Variants in LXN observed in about 807,000 individuals in gnomAD.
The protein encoded by LXN is MUM.
A neutral mutation model predicts 29.8 loss-of-function variants in LXN; 28 were observed. That is an observed-to-expected ratio of 0.94 (90% confidence interval 0.70 to 1.29). LXN has a LOEUF of 1.29. Among genes scored for constraint, LXN ranks in the 50% most tolerant of loss-of-function variants. The pLI, the probability that LXN is intolerant of heterozygous loss-of-function variation, is 0.00. For synonymous variants in LXN, 77 were observed against 89.6 expected (o/e 0.86, Z 0.80); for missense variants, 227 against 261.7 (o/e 0.87, Z 0.92).
At chr3:158,667,353 G>T (rs1723810655) in intron 4 of LXN, among the ~76,000 whole-genome samples, 1 of 152,196 alleles carries the variant, frequency 6.6e-6, no homozygotes, top group South Asian at 2.1e-4. Flanking sequence ...CTACTTAAGA[G>T]AATTAGCAAG....
At chr3:158,667,095 GTGT>G (rs1307055673) in intron 4 of LXN, 21 bp from the exon 5 acceptor site, 2 of 1,561,120 alleles carry the variant, frequency 1.3e-6, no homozygotes, top group African/African-American at 1.4e-5. Context: ...AAATAAAAAC[GTGT>G]TGTTTAAAAC....
intron 4 of LXN, among the ~76,000 whole-genome samples, chr3:158,668,271 T>G (rs1315844233): frequency 4.6e-5 from 7 of 152,220 alleles, no homozygotes; most frequent in Non-Finnish European, 8.8e-5. Context: ...TCTAGATTAC[T>G]TATAATACCA....
At position 158,666,597 on chromosome 3, in the gene LXN, G is replaced by C. The variant is rs775795446; in HGVS notation, c.*49C>G. 2.7e-6 allele frequency: 4 copies of C among 1,503,630 alleles called. No individual in the cohort carries two copies. In the Admixed American group the frequency reaches 6.8e-5, roughly 26 times the overall value. 93.1% of individuals were successfully genotyped at this position (1,503,630 alleles called of 1,614,324 possible). ...CATAAGCTAGATGCCAGTGAAATTG[G>C]CATACACATCAATAGACATGTTTAC... is the stretch of plus-strand genomic sequence containing the variant. On this transcript the variant is annotated 3_prime_UTR_variant, in exon 6 of 6. Transcript: ENST00000264265.
Position 158,672,549 on chromosome 3 carries a change from T to A in LXN, c.-71A>T. On this transcript the variant is annotated 5_prime_UTR_variant, in exon 1 of 6. Coordinates refer to ENST00000264265, the MANE Select transcript of LXN (RefSeq NM_020169.4). Reference sequence around the variant, plus strand: ...GGGACCAGTAGCAGAGCGCCGCCCGTCCTGCTTGCTGCTGGGTCCGGTTGC... The same window carrying A: ...GGGACCAGTAGCAGAGCGCCGCCCGACCTGCTTGCTGCTGGGTCCGGTTGC... 6.3e-7 allele frequency: 1 copy of A among 1,584,068 alleles called. No homozygotes were observed. The highest frequency in any genetic ancestry group is 8.6e-7 in the Non-Finnish European group (1 of 1,160,072).
rs763056952 is a variant in LXN, at chr3:158,667,080, A to G, written c.508-6T>C. The G allele has an allele frequency of 3.2e-6, 5 of 1,576,178 alleles. No individual in the cohort carries two copies. The Admixed American group carries it at 9.8e-5, about 31-fold the overall frequency. On this transcript the variant is annotated splice_region_variant and splice_polypyrimidine_tract_variant and intron_variant, in intron 4 of 5. Transcript: ENST00000264265. ...ATAAAGTCATCATTTCTTTGCTATG[A>G]CAAAAAATAAAAACGTGTTGTTTAA...
In LXN at chr3:158,672,332, A is replaced by AC. The variant is rs1287194240; in HGVS notation, c.129+17dup. On this transcript the variant is annotated intron_variant, in intron 1 of 5. Coordinates refer to ENST00000264265, the MANE Select transcript of LXN (RefSeq NM_020169.4). ...AATCCTGAAGCCTCTGCTGTCCACC[A>AC]CCCCCTGCTAAACTCACCTCCATGC... is the stretch of plus-strand genomic sequence containing the variant. 6.2e-7 allele frequency: 1 copy of AC among 1,612,474 alleles called. No individual in the cohort carries two copies.
chr3:158,666,651 C>T lies in LXN; in HGVS notation c.664G>A (p.Glu222Lys). 1 of 1,612,770 alleles carries T rather than the reference C, an allele frequency of 6.2e-7. No individual in the cohort carries two copies. Among genetic ancestry groups the T allele is most frequent in the Non-Finnish European group, 8.5e-7 (1 of 1,178,982 alleles). ...TCCAGTGTTAGGGTTTTTGTTTATTCCAGTTGTACTTCCTTTGGCAGACGG... is the reference window on the plus strand; with the variant it reads ...TCCAGTGTTAGGGTTTTTGTTTATTTCAGTTGTACTTCCTTTGGCAGACGG... ...NSRLPKEVQLE is the reference protein window; with the variant it reads ...NSRLPKEVQLK The change falls in exon 6 of 6, where the codon GAA (glutamate) becomes AAA (lysine). Residue 222 changes from glutamate to lysine, a missense_variant. Physicochemically the swap from Glu to Lys is moderately conservative, Grantham distance 56. Transcript: ENST00000264265.
At chr3:158,670,605 T>G (rs6785658) in intron 2 of LXN, among the ~76,000 whole-genome samples, 63,209 of 152,094 alleles carry the variant, frequency 0.42, 14,285 homozygotes, top group African/African-American at 0.6. Flanking sequence ...CAGAGGCAGG[T>G]ATTTCACAAC....
Position 158,669,606 on chromosome 3 carries a change from A to G in LXN, c.197T>C (p.Val66Ala). The G allele has an allele frequency of 6.2e-7, 1 of 1,613,152 alleles. No individual in the cohort carries two copies. Among genetic ancestry groups the G allele is most frequent in the Non-Finnish European group, 8.5e-7 (1 of 1,179,756 alleles). The change falls in exon 3 of 6, where the codon GTT becomes GCT. Residue 66 changes from valine to alanine, a missense_variant. By Grantham distance (64) the Val-to-Ala change is moderately conservative (BLOSUM62 0). Transcript: ENST00000264265. ...TACTTCAGCTGTGCAGTTCACCTTA[A>G]CTTGCTGTTTGAAATTTAGCAAAAT... ...FAVEEIIQKQ[V>A]KVNCTAEVLY...
intron 2 of LXN, 33 bp downstream of exon 2, chr3:158,670,924 C>T: frequency 7.6e-7 from 1 of 1,318,556 alleles, no homozygotes; most frequent in Non-Finnish European, 1.0e-6. Flanking sequence ...TAGAGTGAGA[C>T]CCTGTCTCAA....
At position 158,671,000 on chromosome 3, in the gene LXN, T is replaced by C. The variant is rs1483536165; in HGVS notation, c.149A>G (p.His50Arg). 2 of 1,537,958 alleles carry C rather than the reference T, an allele frequency of 1.3e-6. No homozygotes were observed. The highest frequency in any genetic ancestry group is 1.7e-6 in the Non-Finnish European group (2 of 1,146,676). The change falls in exon 2 of 6, where the codon CAT becomes CGT. Residue 50 changes from histidine (H) to arginine (R), a missense_variant. Transcript: ENST00000264265. ...ASMEDIPGRG[H>R]KYHLKFAVEE... ...AACAGCAAATTTAAGGTGATACTTATGTCCTCTTCCTGGAATATCCTAAAA... is the reference window on the plus strand; with the variant it reads ...AACAGCAAATTTAAGGTGATACTTACGTCCTCTTCCTGGAATATCCTAAAA...
chr3:158,669,158 A>T, intron 3 of LXN, 26 bp from the exon 4 acceptor site: 3 of 1,574,698 alleles, frequency 1.9e-6, no homozygotes, highest in Non-Finnish European at 8.7e-7. Flanking sequence ...TTTATATGAT[A>T]ATCATATATA....
chr3:158,667,146 A>G, intron 4 of LXN, 72 bp from the exon 5 acceptor site: 1 of 1,396,554 alleles, frequency 7.2e-7, no homozygotes, highest in Non-Finnish European at 9.6e-7. Context: ...AATTTTGAAA[A>G]TCATCTTTGA....
chr3:158,666,522 A>G lies in LXN; in HGVS notation c.*124T>C. The G allele has an allele frequency of 8.7e-7, 1 of 1,152,090 alleles. No homozygotes were observed. Among genetic ancestry groups the G allele is most frequent in the Non-Finnish European group, 1.3e-6 (1 of 772,028 alleles). 71.4% of individuals were successfully genotyped at this position (1,152,090 alleles called of 1,614,324 possible). A position where few individuals can be genotyped will look rare whatever the true frequency, so the allele number is the denominator to read the frequency against. The stretch of plus-strand genomic sequence containing the variant: ...TATTATGGACTCTATAAAGTTCTAT[A>G]CTGTAATCAAGACATTTATATAAAG... On this transcript the variant is annotated 3_prime_UTR_variant, in exon 6 of 6. Transcript: ENST00000264265.
chr3:158,669,150 T>C lies in LXN; in HGVS notation c.371-18A>G. 1.2e-6 allele frequency: 2 copies of C among 1,604,472 alleles called. No homozygotes were observed. Among genetic ancestry groups the C allele is most frequent in the Non-Finnish European group, 1.7e-6 (2 of 1,172,818 alleles). ...AAAATTGTCTGGTAGGAGACACATT[T>C]ATATGATAATCATATATATAGTATT... On this transcript the variant is annotated intron_variant, in intron 3 of 5. Coordinates refer to ENST00000264265, the MANE Select transcript of LXN (RefSeq NM_020169.4).
rs746443971 is a variant in LXN at position 158,670,977 on chromosome 3, C to T, written c.172G>A (p.Val58Ile). The T allele has an allele frequency of 3.9e-6, 6 of 1,539,796 alleles. No individual in the cohort carries two copies. The South Asian group carries it at 7.4e-5, about 19-fold the overall frequency. ...CTTACTTTTTGTATAATTTCTTCAA[C>T]AGCAAATTTAAGGTGATACTTATGT... ...RGHKYHLKFA[V>I]EEIIQKQVKV... Residue 58 changes from valine (V) to isoleucine (I), a missense_variant, in exon 2 of 6, where the codon GTT becomes ATT. Physicochemically the swap from Val to Ile is conservative, Grantham distance 29 (BLOSUM62 3). Transcript: ENST00000264265.
At chr3:158,668,199 C>T (rs530763141) in intron 4 of LXN, among the ~76,000 whole-genome samples, 14 of 152,282 alleles carry the variant, frequency 9.2e-5, no homozygotes, top group African/African-American at 3.4e-4. Flanking sequence ...AAGTCTCTGA[C>T]ATAAAACAGT....
Position 158,666,584 on chromosome 3 carries a change from G to A in LXN, c.*62C>T. On this transcript the variant is annotated 3_prime_UTR_variant, in exon 6 of 6. Coordinates refer to ENST00000264265, the MANE Select transcript of LXN (RefSeq NM_020169.4). ...GATTATTTGGCCTCATAAGCTAGAT[G>A]CCAGTGAAATTGGCATACACATCAA... 2.8e-6 allele frequency: 4 copies of A among 1,441,414 alleles called. No homozygotes were observed. Among genetic ancestry groups the A allele is most frequent in the Non-Finnish European group, 2.9e-6 (3 of 1,025,734 alleles). The allele number at this position is 1,441,414 out of a possible 1,614,324, so 89.3% of individuals were successfully genotyped here.
In LXN at chr3:158,666,534, A is replaced by T; in HGVS notation, c.*112T>A. ...TATAAAGTTCTATACTGTAATCAAG[A>T]CATTTATATAAAGTGACACTTTGGG... On this transcript the variant is annotated 3_prime_UTR_variant, in exon 6 of 6. Coordinates refer to ENST00000264265, the MANE Select transcript of LXN (RefSeq NM_020169.4). 8.5e-7 allele frequency: 1 copy of T among 1,172,200 alleles called. No homozygotes were observed. The highest frequency in any genetic ancestry group is 1.3e-5 in the South Asian group (1 of 79,072). 72.6% of individuals were successfully genotyped at this position (1,172,200 alleles called of 1,614,324 possible).
Sources: gnomAD v4.1 joint callset for allele counts (sites outside exome capture counted in the v4.1 genomes callset) on GRCh38, gnomAD v4.1.1 for gene constraint, MANE v1.5 for transcripts, NCBI Gene and HGNC (gene_info 2026-07-23, HGNC 2026-07-21) for gene names.